GPNMB: variants seen among roughly 807,000 people sequenced by gnomAD.
GPNMB encodes the protein transmembrane glycoprotein NMB.
A neutral mutation model predicts 57.3 loss-of-function variants in GPNMB; 71 were observed. The ratio of observed to expected loss-of-function variants is 1.24; its 90% confidence interval spans 1.02 to 1.51. The LOEUF is 1.51. Ranked by LOEUF, GPNMB falls within the 40% of genes most tolerant of loss-of-function variation. The probability of loss-of-function intolerance (pLI) is 0.00; values close to 1 mark genes in which losing one functional copy is unlikely to be tolerated. For synonymous variants in GPNMB, 253 were observed against 263.2 expected (o/e 0.96, Z 0.38); for missense variants, 677 against 691.9 (o/e 0.98, Z 0.24).
intron 2 of GPNMB, 46 bp downstream of exon 2, chr7:23,253,505 G>T (rs1487789134): frequency 6.5e-7 from 1 of 1,527,216 alleles, no homozygotes; most frequent in Admixed American, 1.7e-5. Context: ...TCCTACTTCA[G>T]TAAGTCTTGT....
chr7:23,267,771 C>G (rs969698609), intron 7 of GPNMB, 115 bp from the exon 8 acceptor site: 1 of 781,642 alleles, frequency 1.3e-6, no homozygotes, highest in African/African-American at 1.7e-5. Context: ...TTGGGGGTTT[C>G]AACATATGAA....
rs187814320 is a variant in GPNMB, at chr7:23,255,111, C to T, written c.367+799C>T. Among the ~76,000 whole-genome samples, 12 of 152,220 alleles carry T rather than the reference C, an allele frequency of 7.9e-5. No individual in the cohort carries two copies. The East Asian group carries it at 1.7e-3, about 22-fold the overall frequency. ...TTGGTTCACTGCAGTCTTTGCCTCC[C>T]GGGTTCAAATGATTCTCCTGCCTCA... On this transcript the variant is annotated intron_variant, in intron 3 of 10. Transcript: ENST00000258733.
At chr7:23,253,618 T>C (rs570840979) in intron 2 of GPNMB, among the ~76,000 whole-genome samples, 159 bp downstream of exon 2, 214 of 152,356 alleles carry the variant, frequency 1.4e-3, no homozygotes, top group African/African-American at 4.9e-3. Context: ...ATATTTTCTT[T>C]AGCCCAACAC....
chr7:23,266,624 G>A lies in GPNMB; in HGVS notation c.1117+9G>A. The A allele has an allele frequency of 6.2e-7, 1 of 1,612,634 alleles. No individual in the cohort carries two copies. The highest frequency in any genetic ancestry group is 2.2e-5 in the East Asian group (1 of 44,874). On this transcript the variant is annotated intron_variant, in intron 7 of 10. Transcript: ENST00000258733. ...CACCATCACAATTGTAGGTAAGGCT[G>A]AAGATGATGACCAGTGAGGAAGGAT... is the stretch of plus-strand genomic sequence containing the variant.
intron 7 of GPNMB, 122 bp from the exon 8 acceptor site, chr7:23,267,764 G>T: frequency 1.3e-6 from 1 of 742,176 alleles, no homozygotes; most frequent in Non-Finnish European, 2.4e-6. Flanking sequence ...TATCACCTTG[G>T]GGGTTTCAAC....
intron 7 of GPNMB, among the ~76,000 whole-genome samples, 196 bp from the exon 8 acceptor site, chr7:23,267,690 A>G (rs1783098781): frequency 6.6e-6 from 1 of 152,068 alleles, no homozygotes; most frequent in Non-Finnish European, 1.5e-5. Context: ...AAGGGCATTA[A>G]TCTCACACAT....
At position 23,274,230 on chromosome 7, in the gene GPNMB, G is replaced by A. The variant is rs375032500; in HGVS notation, c.*6G>A. Reference sequence around the variant, plus strand: ...AATTTAAAGGAGTTTCTTAAATTTCGACCTTGTTTCTGAAGCTCACTTTTC... The same window carrying A: ...AATTTAAAGGAGTTTCTTAAATTTCAACCTTGTTTCTGAAGCTCACTTTTC... On this transcript the variant is annotated 3_prime_UTR_variant, in exon 11 of 11. Transcript: ENST00000258733. 362 of 1,610,190 alleles carry A rather than the reference G, an allele frequency of 2.2e-4. No homozygotes were observed. The highest frequency in any genetic ancestry group is 2.9e-4 in the Non-Finnish European group (338 of 1,177,502).
intron 4 of GPNMB, among the ~76,000 whole-genome samples, chr7:23,258,212 T>A (rs1246811816): frequency 3.9e-5 from 6 of 152,182 alleles, no homozygotes; most frequent in Non-Finnish European, 7.3e-5. Flanking sequence ...TATTTGAAAA[T>A]TGCTACCAAT....
chr7:23,252,128 A>G (rs1037020620), intron 1 of GPNMB, among the ~76,000 whole-genome samples: 1 of 152,256 alleles, frequency 6.6e-6, no homozygotes, highest in African/African-American at 2.4e-5. Flanking sequence ...CTAGTTGTAG[A>G]GATAAAATGG....
At chr7:23,267,007 A>G (rs541754917) in intron 7 of GPNMB, among the ~76,000 whole-genome samples, 6 of 152,332 alleles carry the variant, frequency 3.9e-5, no homozygotes, top group African/African-American at 1.4e-4. Context: ...AAAAGGGGAA[A>G]GAGCAGGCCA....
intron 6 of GPNMB, 41 bp from the exon 7 acceptor site, chr7:23,266,476 C>T (rs1426775078): frequency 5.0e-6 from 8 of 1,594,884 alleles, no homozygotes; most frequent in East Asian, 2.2e-5. Flanking sequence ...CTTTTATGTT[C>T]GTAGCAACTA....
At chr7:23,254,549 C>G (rs1233810637) in intron 3 of GPNMB, among the ~76,000 whole-genome samples, 1 of 152,182 alleles carries the variant, frequency 6.6e-6, no homozygotes, top group African/African-American at 2.4e-5. Flanking sequence ...CTTCAAAAGC[C>G]ACATCACCAC....
Position 23,270,194 on chromosome 7 carries a change from C to T in GPNMB, c.1429+19C>T, listed in dbSNP as rs1289962562. 6.4e-7 allele frequency: 1 copy of T among 1,557,670 alleles called. No individual in the cohort carries two copies. Reference sequence around the variant, plus strand: ...GACAGAGGTGAGTTTTGTTTTATGGCCATATGAGCATTTCATACTGCAAGT... The same window carrying T: ...GACAGAGGTGAGTTTTGTTTTATGGTCATATGAGCATTTCATACTGCAAGT... On this transcript the variant is annotated intron_variant, in intron 9 of 10. Coordinates refer to ENST00000258733, the MANE Select transcript of GPNMB (RefSeq NM_002510.3).
At chr7:23,271,027 T>C (rs907688485) in intron 9 of GPNMB, among the ~76,000 whole-genome samples, 1 of 152,214 alleles carries the variant, frequency 6.6e-6, no homozygotes, top group African/African-American at 2.4e-5. Flanking sequence ...CAGGGACCTG[T>C]TTTGTGGAAG....
intron 6 of GPNMB, 88 bp from the exon 7 acceptor site, chr7:23,266,429 T>C (rs1783062433): frequency 7.2e-7 from 1 of 1,387,728 alleles, no homozygotes; most frequent in Non-Finnish European, 1.0e-6. Context: ...AAAAAGCAAA[T>C]GGCAAATGTT....
chr7:23,273,928 GAC>G (rs1273167308), intron 10 of GPNMB, 135 bp from the exon 11 acceptor site: 1 of 644,238 alleles, frequency 1.6e-6, no homozygotes, highest in Non-Finnish European at 2.7e-6. Context: ...ACTTTCATAA[GAC>G]ACCAGTGTCT....
intron 6 of GPNMB, among the ~76,000 whole-genome samples, chr7:23,261,434 T>C (rs1156905628): frequency 1.3e-5 from 2 of 152,194 alleles, no homozygotes; most frequent in Non-Finnish European, 2.9e-5. Context: ...ATATACACCA[T>C]AGAATACTAT....
At position 23,253,379 on chromosome 7, in the gene GPNMB, C is replaced by T. The variant is rs1177787754; in HGVS notation, c.143C>T (p.Ser48Phe). The T allele has an allele frequency of 1.2e-5, 19 of 1,613,750 alleles. No homozygotes were observed. Among genetic ancestry groups the T allele is most frequent in the Non-Finnish European group, 1.5e-5 (18 of 1,179,664 alleles). The change falls in exon 2 of 11, where the codon TCT becomes TTT. Residue 48 changes from serine (S) to phenylalanine (F), a missense_variant. Ser to Phe is a radical substitution (Grantham distance 155). Transcript: ENST00000258733. Reference sequence around the variant, plus strand: ...GAGCACAATCAATTAAATGGCTGGTCTTCTGATGAAAATGACTGGAATGAA... The same window carrying T: ...GAGCACAATCAATTAAATGGCTGGTTTTCTGATGAAAATGACTGGAATGAA... ...MREHNQLNGW[S>F]SDENDWNEKL...
rs759090251 is a variant in GPNMB, at chr7:23,256,979, A to G, written c.455A>G (p.His152Arg). 7.4e-6 allele frequency: 12 copies of G among 1,614,150 alleles called. No individual in the cohort carries two copies. In the East Asian group the frequency reaches 2.2e-4, roughly 30 times the overall value. The stretch of plus-strand genomic sequence containing the variant: ...GGGGAAAATGGCACCGGCCAAAGCC[A>G]TCATAACGTCTTCCCTGATGGGAAA... ...SDGENGTGQS[H>R]HNVFPDGKPF... Residue 152 changes from histidine (H) to arginine (R), a missense_variant, in exon 4 of 11, where the codon CAT becomes CGT. His to Arg is a conservative substitution (Grantham distance 29, BLOSUM62 0). Coordinates refer to ENST00000258733, the MANE Select transcript of GPNMB (RefSeq NM_002510.3).
Sources: gnomAD v4.1 joint callset for allele counts (sites outside exome capture counted in the v4.1 genomes callset) on GRCh38, gnomAD v4.1.1 for gene constraint, MANE v1.5 for transcripts, NCBI Gene and HGNC (gene_info 2026-07-23, HGNC 2026-07-21) for gene names.